The following ANO5 variants were observed in gnomAD, a reference collection of about 807,000 sequenced individuals.
ANO5 encodes anoctamin 5.
Under a neutral mutation model 121.0 loss-of-function variants are expected in ANO5, and 109 were observed. The ratio of observed to expected loss-of-function variants is 0.90; its 90% CI spans 0.77 to 1.06. ANO5 has a LOEUF of 1.06. Among genes scored for constraint, ANO5 ranks in the 50% least tolerant of loss-of-function variants. The pLI is 0.00. For missense variants in ANO5, 1,064 were observed against 1,078.5 expected (o/e 0.99, Z 0.19); for synonymous variants, 406 against 359.9 (o/e 1.13, Z -1.45).
intron 12 of ANO5, among the ~76,000 whole-genome samples, chr11:22,252,952 T>G (rs1853876099): frequency 6.6e-6 from 1 of 152,156 alleles, no homozygotes; most frequent in African/African-American, 2.4e-5. Flanking sequence ...CCTCCATGAT[T>G]GCAATTGTGT....
chr11:22,251,821 T>A lies in ANO5; in HGVS notation c.1180+810T>A, dbSNP rs557968146. 2.0e-5 allele frequency among the ~76,000 whole-genome samples: 3 copies of A among 151,334 alleles called. No individual in the cohort carries two copies. The South Asian group carries it at 6.3e-4, about 32-fold the overall frequency. On this transcript the variant is annotated intron_variant, in intron 12 of 21. Coordinates refer to ENST00000324559, the MANE Select transcript of ANO5 (RefSeq NM_213599.3). Reference sequence around the variant, plus strand: ...GTGGGCAGATCACGAGGTCAGGAGATCGAGATTACCCTGGCTAACACGGTG... The same window carrying A: ...GTGGGCAGATCACGAGGTCAGGAGAACGAGATTACCCTGGCTAACACGGTG...
At chr11:22,260,355 G>A (rs1036972448) in intron 15 of ANO5, among the ~76,000 whole-genome samples, 4 of 152,218 alleles carry the variant, frequency 2.6e-5, no homozygotes, top group East Asian at 1.9e-4. Flanking sequence ...CAGTAAGATC[G>A]GAAACTCAAA....
intron 7 of ANO5, among the ~76,000 whole-genome samples, chr11:22,233,810 AGTT>A (rs71034579): frequency 0.31 from 47,318 of 151,738 alleles, 9,427 homozygotes; most frequent in Non-Finnish European, 0.45. Context: ...AATAAGCAGA[AGTT>A]GTTGTTGTTC....
chr11:22,205,790 A>G (rs976427593), intron 2 of ANO5, among the ~76,000 whole-genome samples: 1 of 152,106 alleles, frequency 6.6e-6, no homozygotes, highest in African/African-American at 2.4e-5. Flanking sequence ...ACATATCAAT[A>G]TGGAATTTGT....
intron 17 of ANO5, among the ~76,000 whole-genome samples, chr11:22,269,248 AAAG>A (rs1283528716): frequency 1.1e-5 from 1 of 94,524 alleles, no homozygotes; most frequent in Non-Finnish European, 2.1e-5. Context: ...AAGGAGAAAA[AAAG>A]AAAGAGAAGG....
intron 5 of ANO5, among the ~76,000 whole-genome samples, chr11:22,225,623 A>G (rs1434832011): frequency 2.0e-5 from 3 of 152,184 alleles, no homozygotes; most frequent in Non-Finnish European, 4.4e-5. Context: ...TTAAATGTAT[A>G]GTTTATTTGA....
intron 15 of ANO5, among the ~76,000 whole-genome samples, chr11:22,260,689 C>T (rs756201818): frequency 6.6e-6 from 1 of 152,130 alleles, no homozygotes; most frequent in African/African-American, 2.4e-5. Context: ...CTACATTTCA[C>T]TAAAATGGGG....
At chr11:22,204,217 C>T (rs1357971255) in intron 2 of ANO5, among the ~76,000 whole-genome samples, 1 of 152,002 alleles carries the variant, frequency 6.6e-6, no homozygotes, top group African/African-American at 2.4e-5. Context: ...TAGTGCTTAT[C>T]TATGACTATA....
chr11:22,203,660 G>A (rs112877355), intron 1 of ANO5, 144 bp from the exon 2 acceptor site: 16 of 564,966 alleles, frequency 2.8e-5, no homozygotes, highest in South Asian at 8.8e-5. Flanking sequence ...ATTTAGCTCC[G>A]AATCATCTTG....
chr11:22,215,171 C>T (rs76140113), intron 3 of ANO5, among the ~76,000 whole-genome samples: 4,014 of 151,950 alleles, frequency 0.026, 78 homozygotes, highest in South Asian at 0.053. Context: ...GCTTAAATAA[C>T]GACAGATATG....
At chr11:22,258,812 G>A (rs1854086182) in intron 14 of ANO5, among the ~76,000 whole-genome samples, 1 of 152,056 alleles carries the variant, frequency 6.6e-6, no homozygotes, top group Non-Finnish European at 1.5e-5. Context: ...GAACATAATT[G>A]CCTTTATTTT....
In ANO5 at chr11:22,239,685, G is replaced by A. The variant is rs1853361649; in HGVS notation, c.878+1G>A. The A allele has an allele frequency of 1.3e-6, 2 of 1,583,626 alleles. No homozygotes were observed. Among genetic ancestry groups the A allele is most frequent in the Non-Finnish European group, 1.7e-6 (2 of 1,152,708 alleles). On this transcript the variant is annotated splice_donor_variant, in intron 9 of 21. Coordinates refer to ENST00000324559, the MANE Select transcript of ANO5 (RefSeq NM_213599.3). LOFTEE classifies it high-confidence loss of function. ...AGGAGCAGCCTTTAGACTTGATTAA[G>A]TAAGTTTCATACACAGGATCAGACC...
chr11:22,227,012 T>C (rs944378754), intron 6 of ANO5, among the ~76,000 whole-genome samples: 5 of 152,254 alleles, frequency 3.3e-5, no homozygotes, highest in Non-Finnish European at 5.9e-5. Context: ...TGAGTATACA[T>C]TGACCATGAA....
chr11:22,199,669 TA>T (rs879830189), intron 1 of ANO5, among the ~76,000 whole-genome samples: 76 of 152,144 alleles, frequency 5.0e-4, no homozygotes, highest in Non-Finnish European at 9.4e-4. Context: ...TGTTCTACTT[TA>T]AAAAAAATCT....
At chr11:22,260,291 T>A (rs1854150369) in intron 15 of ANO5, among the ~76,000 whole-genome samples, 1 of 152,214 alleles carries the variant, frequency 6.6e-6, no homozygotes, top group African/African-American at 2.4e-5. Context: ...GAAATTGAGT[T>A]AAGTAGAGCA....
At chr11:22,206,431 C>G (rs575531826) in intron 2 of ANO5, among the ~76,000 whole-genome samples, 1 of 152,094 alleles carries the variant, frequency 6.6e-6, no homozygotes, top group East Asian at 2.0e-4. Flanking sequence ...ATTCCCCTTC[C>G]TCTCCTGAGT....
At chr11:22,248,518 G>A (rs1195376658) in intron 9 of ANO5, among the ~76,000 whole-genome samples, 1 of 151,958 alleles carries the variant, frequency 6.6e-6, no homozygotes, top group Non-Finnish European at 1.5e-5. Flanking sequence ...AATATCTCCT[G>A]CTTTCTGAGA....
At chr11:22,231,386 G>A (rs753307997) in intron 7 of ANO5, among the ~76,000 whole-genome samples, 7 of 151,636 alleles carry the variant, frequency 4.6e-5, no homozygotes, top group Non-Finnish European at 8.8e-5. Flanking sequence ...CATCCTCATT[G>A]TGAAAGTATC....
rs1159326828 is a variant in ANO5, at chr11:22,236,268, C to T, written c.754C>T (p.Leu252Phe). The T allele has an allele frequency of 6.2e-7, 1 of 1,607,694 alleles. No homozygotes were observed. The highest frequency in any genetic ancestry group is 8.5e-7 in the Non-Finnish European group (1 of 1,174,604). ...NSNTYSSAYPLHDGQYWKPSE... is the reference protein window; with the variant it reads ...NSNTYSSAYPFHDGQYWKPSE... ...TAACACTTACTCATCTGCCTATCCA[C>T]TCCATGATGTATGTATAGGTTTGAT... The change falls in exon 8 of 22, where the codon CTC (leucine) becomes TTC (phenylalanine). Residue 252 changes from leucine to phenylalanine, a missense_variant. Coordinates refer to ENST00000324559, the MANE Select transcript of ANO5 (RefSeq NM_213599.3).
Sources: gnomAD v4.1 joint callset for allele counts (sites outside exome capture counted in the v4.1 genomes callset) on GRCh38, gnomAD v4.1.1 for gene constraint, MANE v1.5 for transcripts, NCBI Gene and HGNC (gene_info 2026-07-23, HGNC 2026-07-21) for gene names.